Variants in SPRED2 observed in about 807,000 individuals in gnomAD.
SPRED2 encodes sprouty related EVH1 domain containing 2, also known as sprouty-related, EVH1 domain-containing protein 2.
SPRED2 carries 47 observed loss-of-function variants against 43.0 expected under a neutral mutation model. The observed-to-expected ratio is 1.09, with a 90% CI of 0.87 to 1.40. The LOEUF is 1.40. Among genes scored for constraint, SPRED2 ranks in the 40% most tolerant of loss-of-function variants. SPRED2 has a pLI of 0.00. For synonymous variants in SPRED2, 225 were observed against 225.7 expected (o/e 1.00, Z 0.03); for missense variants, 561 against 586.4 (o/e 0.96, Z 0.45).
intron 1 of SPRED2, among the ~76,000 whole-genome samples, chr2:65,346,346 G>C (rs1360046013): frequency 6.6e-6 from 1 of 150,996 alleles, no homozygotes; most frequent in South Asian, 2.1e-4. Flanking sequence ...TTTCATTGCG[G>C]TAAAATATGA....
chr2:65,348,592 C>T (rs1674418567), intron 1 of SPRED2, among the ~76,000 whole-genome samples: 1 of 151,496 alleles, frequency 6.6e-6, no homozygotes, highest in Admixed American at 6.6e-5. Flanking sequence ...AACCTGAGGT[C>T]AGGAGTTCAA....
At chr2:65,377,553 A>G (rs946853108) in intron 1 of SPRED2, 9 of 471,078 alleles carry the variant, frequency 1.9e-5, no homozygotes, top group Admixed American at 1.2e-4. Flanking sequence ...GAGGGGGAAC[A>G]CTGTGGCAAA....
At chr2:65,397,582 C>G (rs527785817) in intron 1 of SPRED2, among the ~76,000 whole-genome samples, 13 of 151,266 alleles carry the variant, frequency 8.6e-5, no homozygotes, top group South Asian at 4.2e-4. Context: ...TGACCCTTCA[C>G]ATTTCTACAA....
chr2:65,329,053 G>T (rs867427559), intron 4 of SPRED2, among the ~76,000 whole-genome samples: 1 of 152,192 alleles, frequency 6.6e-6, no homozygotes, highest in Admixed American at 6.5e-5. Context: ...TGGTGCTTTG[G>T]TTTTAACTAT....
At chr2:65,389,140 G>A (rs888418519) in intron 1 of SPRED2, among the ~76,000 whole-genome samples, 12 of 152,006 alleles carry the variant, frequency 7.9e-5, no homozygotes, top group African/African-American at 2.9e-4. Flanking sequence ...CCAGTGTGAG[G>A]AATCCATCTG....
chr2:65,335,888 T>C (rs1257243461), intron 2 of SPRED2, among the ~76,000 whole-genome samples: 3 of 152,232 alleles, frequency 2.0e-5, no homozygotes, highest in Non-Finnish European at 4.4e-5. Flanking sequence ...ACCATAATGA[T>C]TTTGCTAAGT....
intron 2 of SPRED2, among the ~76,000 whole-genome samples, chr2:65,338,929 G>A (rs1674074941): frequency 6.6e-6 from 1 of 152,164 alleles, no homozygotes; most frequent in African/African-American, 2.4e-5. Context: ...TCTGAGATGT[G>A]GGGAGCGCCT....
chr2:65,424,589 T>C (rs933113459), intron 1 of SPRED2, among the ~76,000 whole-genome samples: 9 of 151,918 alleles, frequency 5.9e-5, no homozygotes, highest in Non-Finnish European at 1.3e-4. Context: ...ATTGCACCCC[T>C]GCACTCCAGC....
intron 1 of SPRED2, among the ~76,000 whole-genome samples, chr2:65,348,530 C>T (rs971936429): frequency 1.3e-5 from 2 of 152,066 alleles, no homozygotes; most frequent in South Asian, 2.1e-4. Flanking sequence ...AGGCTGGAAG[C>T]GGTGGCTCAT....
chr2:65,365,457 C>T (rs2104327225), intron 1 of SPRED2, among the ~76,000 whole-genome samples: 1 of 152,288 alleles, frequency 6.6e-6, no homozygotes, highest in Non-Finnish European at 1.5e-5. Context: ...TCAAGGAAAA[C>T]AAGTCATTAT....
intron 1 of SPRED2, among the ~76,000 whole-genome samples, chr2:65,346,698 C>A (rs764754819): frequency 6.6e-6 from 1 of 152,144 alleles, no homozygotes; most frequent in African/African-American, 2.4e-5. Flanking sequence ...CCCCACTGCA[C>A]CCTGCTGGGC....
chr2:65,357,550 C>T (rs1479202213), intron 1 of SPRED2, among the ~76,000 whole-genome samples: 1 of 152,248 alleles, frequency 6.6e-6, no homozygotes. Context: ...TTTGAAAGGA[C>T]CTCGTGTGGT....
At chr2:65,350,108 AC>A (rs1674467729) in intron 1 of SPRED2, among the ~76,000 whole-genome samples, 1 of 152,134 alleles carries the variant, frequency 6.6e-6, no homozygotes, top group South Asian at 2.1e-4. Context: ...GAACTCCACT[AC>A]CAAAAAGGTA....
At chr2:65,410,603 C>A (rs1558689035) in intron 1 of SPRED2, among the ~76,000 whole-genome samples, 1 of 151,752 alleles carries the variant, frequency 6.6e-6, no homozygotes, top group East Asian at 1.9e-4. Flanking sequence ...ACTAAAAATA[C>A]AAAAAATTAG....
chr2:65,389,107 G>T (rs1469611853), intron 1 of SPRED2, among the ~76,000 whole-genome samples: 1 of 152,168 alleles, frequency 6.6e-6, no homozygotes, highest in Non-Finnish European at 1.5e-5. Context: ...AGGATGAAAG[G>T]CCCTTCCCTT....
intron 1 of SPRED2, among the ~76,000 whole-genome samples, chr2:65,371,896 T>C (rs1253807088): frequency 6.6e-6 from 1 of 151,926 alleles, no homozygotes; most frequent in Non-Finnish European, 1.5e-5. Flanking sequence ...GCTAACATGG[T>C]GAAAGCCCGT....
chr2:65,401,974 C>CACA (rs1572895534), intron 1 of SPRED2, among the ~76,000 whole-genome samples: 5 of 128,548 alleles, frequency 3.9e-5, no homozygotes, highest in African/African-American at 5.1e-5. Flanking sequence ...CACACACACA[C>CACA]CTGTTAATTT....
At chr2:65,328,777 A>C (rs1307566096) in intron 4 of SPRED2, among the ~76,000 whole-genome samples, 1 of 152,218 alleles carries the variant, frequency 6.6e-6, no homozygotes, top group Non-Finnish European at 1.5e-5. Flanking sequence ...CTCACCTTTA[A>C]GAAAACACTT....
At chr2:65,307,936 T>C (rs1025063088), downstream of SPRED2, among the ~76,000 whole-genome samples, 15 of 151,770 alleles carry the variant, frequency 9.9e-5, no homozygotes, top group South Asian at 4.2e-4. Context: ...ACAAGCCTCC[T>C]CCCCACACCC....
Sources: allele counts gnomAD v4.1 joint callset (sites outside exome capture counted in the v4.1 genomes callset), GRCh38; gene constraint gnomAD v4.1.1; transcripts MANE v1.5; gene names NCBI Gene and HGNC (gene_info 2026-07-23, HGNC 2026-07-21).